Variants in CDC16 observed in about 807,000 individuals in gnomAD.
CDC16 encodes cell division cycle protein 16 homolog.
In CDC16, 34 loss-of-function variants were observed where a neutral mutation model predicts 87.0. The ratio of observed to expected loss-of-function variants is 0.39; its 90% confidence interval spans 0.30 to 0.52. The LOEUF is 0.52. Among genes scored for constraint, CDC16 ranks in the 20% least tolerant of loss-of-function variants. The pLI is 0.74. For synonymous variants in CDC16, 263 were observed against 260.6 expected (o/e 1.01, Z -0.09); for missense variants, 653 against 751.9 (o/e 0.87, Z 1.54).
chr13:114,248,339 T>C (rs545395179), intron 11 of CDC16, among the ~76,000 whole-genome samples: 1 of 152,356 alleles, frequency 6.6e-6, no homozygotes, highest in Admixed American at 6.5e-5. Flanking sequence ...ACTTACCAAC[T>C]GAAATTCCTT....
At position 114,235,062 on chromosome 13, in the gene CDC16, C is replaced by A. The variant is rs1425494039; in HGVS notation, c.-23C>A. The A allele has an allele frequency of 8.0e-7, 1 of 1,248,474 alleles. No individual in the cohort carries two copies. Among genetic ancestry groups the A allele is most frequent in the Non-Finnish European group, 1.0e-6 (1 of 997,252 alleles). 77.3% of individuals were successfully genotyped at this position (1,248,474 alleles called of 1,614,324 possible). A position where few individuals can be genotyped will look rare whatever the true frequency, so the allele number is the denominator to read the frequency against. On this transcript the variant is annotated 5_prime_UTR_variant, in exon 1 of 18. Coordinates refer to ENST00000356221, the MANE Select transcript of CDC16 (RefSeq NM_001078645.3). ...GCGCGCGCCTAGCGGCGGAGTGTGG[C>A]GTGAGGCCGGGCCCGCGCCGCCATG...
At chr13:114,246,816 TAGA>T (rs1298795098) in intron 10 of CDC16, 112 bp from the exon 11 acceptor site, 2 of 715,134 alleles carry the variant, frequency 2.8e-6, no homozygotes, top group Non-Finnish European at 5.1e-6. Context: ...CTAACTTAAC[TAGA>T]ATATGTGATA....
In CDC16 at chr13:114,272,364, C is replaced by G. The variant is rs928082424; in HGVS notation, c.1784C>G (p.Ser595Cys). The G allele has an allele frequency of 6.2e-7, 1 of 1,614,028 alleles. No homozygotes were observed. Among genetic ancestry groups the G allele is most frequent in the South Asian group, 1.1e-5 (1 of 91,082 alleles). The change falls in exon 18 of 18, where the codon TCC (serine) becomes TGC (cysteine). Residue 595 changes from serine (S) to cysteine (C), a missense_variant. Physicochemically the swap from Ser to Cys is moderately radical, Grantham distance 112. Coordinates refer to ENST00000356221, the MANE Select transcript of CDC16 (RefSeq NM_001078645.3). Reference sequence around the variant, plus strand: ...AGGAAAACTCCAGATTCCAGACCTTCCTTGGAAGAAACCTTTGAAATTGAA... The same window carrying G: ...AGGAAAACTCCAGATTCCAGACCTTGCTTGGAAGAAACCTTTGAAATTGAA... Reference protein sequence around the residue: ...TSRKTPDSRPSLEETFEIEMN... With the variant: ...TSRKTPDSRPCLEETFEIEMN...
At chr13:114,264,928 A>G in intron 16 of CDC16, 1 of 448,816 alleles carries the variant, frequency 2.2e-6, no homozygotes, top group Non-Finnish European at 4.1e-6. Flanking sequence ...TTTTTAAAAA[A>G]TCTTTTTTGG....
chr13:114,268,174 C>G (rs1191212109), intron 17 of CDC16, among the ~76,000 whole-genome samples: 1 of 152,084 alleles, frequency 6.6e-6, no homozygotes, highest in Non-Finnish European at 1.5e-5. Flanking sequence ...GGGATCCCCA[C>G]ATGGAGATAG....
At chr13:114,268,574 G>A (rs929775555) in intron 17 of CDC16, among the ~76,000 whole-genome samples, 1 of 152,188 alleles carries the variant, frequency 6.6e-6, no homozygotes, top group African/African-American at 2.4e-5. Context: ...AATGAAGACT[G>A]TGACCAATCA....
chr13:114,247,093 A>C, intron 11 of CDC16, 89 bp downstream of exon 11: 1 of 772,544 alleles, frequency 1.3e-6, no homozygotes, highest in South Asian at 1.5e-5. Context: ...GAGTACTTTA[A>C]AAGCAATGTG....
intron 16 of CDC16, chr13:114,264,188 G>A (rs1174018176): frequency 6.6e-6 from 1 of 152,192 alleles, no homozygotes; most frequent in African/African-American, 2.4e-5. Flanking sequence ...TTCTAGTCCT[G>A]TATGATCTTT....
chr13:114,237,955 A>C (rs1016637927), intron 3 of CDC16, among the ~76,000 whole-genome samples: 45 of 152,340 alleles, frequency 3.0e-4, no homozygotes, highest in African/African-American at 1.0e-3. Flanking sequence ...AGTCAGATGC[A>C]TCAGTAGGTC....
rs2081588833 is a variant in CDC16 at position 114,242,223 on chromosome 13, T to C, written c.484T>C (p.Tyr162His). 6.2e-7 allele frequency: 1 copy of C among 1,614,084 alleles called. No homozygotes were observed. Among genetic ancestry groups the C allele is most frequent in the Non-Finnish European group, 8.5e-7 (1 of 1,180,028 alleles). Residue 162 changes from tyrosine (Y) to histidine (H), a missense_variant, in exon 6 of 18, where the codon TAC becomes CAC. Coordinates refer to ENST00000356221, the MANE Select transcript of CDC16 (RefSeq NM_001078645.3). Reference protein sequence around the residue: ...SYKEALKLDVYCFEAFDLLTS... With the variant: ...SYKEALKLDVHCFEAFDLLTS... The stretch of plus-strand genomic sequence containing the variant: ...CAAAGAAGCTTTGAAGCTTGATGTC[T>C]ACTGTTTTGAAGCGTTCGATCTTTT...
chr13:114,238,855 C>T (rs2081393849), intron 3 of CDC16, 135 bp from the exon 4 acceptor site: 2 of 1,173,882 alleles, frequency 1.7e-6, no homozygotes, highest in South Asian at 1.7e-5. Context: ...TTTAACAGGA[C>T]TGGATTTTTT....
At chr13:114,269,256 C>T (rs1343793920) in intron 17 of CDC16, among the ~76,000 whole-genome samples, 1 of 152,126 alleles carries the variant, frequency 6.6e-6, no homozygotes, top group Admixed American at 6.5e-5. Flanking sequence ...ACGATGTTCC[C>T]AGGGTTCTAA....
intron 12 of CDC16, 112 bp from the exon 13 acceptor site, chr13:114,256,966 G>A: frequency 3.2e-6 from 2 of 618,796 alleles, no homozygotes; most frequent in South Asian, 2.6e-5. Flanking sequence ...AGTAAATGCT[G>A]TGTTTTGGCT....
At chr13:114,251,330 T>C (rs1486800191) in intron 12 of CDC16, among the ~76,000 whole-genome samples, 1 of 152,224 alleles carries the variant, frequency 6.6e-6, no homozygotes, top group Admixed American at 6.5e-5. Flanking sequence ...GCAAGTTTTT[T>C]AGCCTCCTGA....
At chr13:114,244,435 G>A (rs114476097) in intron 8 of CDC16, 447 of 159,262 alleles carry the variant, frequency 2.8e-3, no homozygotes, top group African/African-American at 9.8e-3. Flanking sequence ...ATCTTGGTTC[G>A]GTTTAAAATC....
At chr13:114,248,023 A>G (rs1319141415) in intron 11 of CDC16, among the ~76,000 whole-genome samples, 4 of 152,258 alleles carry the variant, frequency 2.6e-5, no homozygotes, top group African/African-American at 4.8e-5. Flanking sequence ...GTGAAATTAC[A>G]CAAAACTTTA....
At chr13:114,259,997 T>C (rs916846573) in intron 14 of CDC16, among the ~76,000 whole-genome samples, 1 of 152,252 alleles carries the variant, frequency 6.6e-6, no homozygotes, top group Non-Finnish European at 1.5e-5. Context: ...TACTTAAAAG[T>C]AGTAACAGTT....
Position 114,244,976 on chromosome 13 carries a change from CT to C in CDC16, c.847+15del, listed in dbSNP as rs745762677. ...GAGCTGAATAAAGCCAATGGTAAGACTTTTTTTTAAATTAAAGTAATTCTTA... is the reference window on the plus strand; with the variant it reads ...GAGCTGAATAAAGCCAATGGTAAGACTTTTTTTAAATTAAAGTAATTCTTA... On this transcript the variant is annotated splice_region_variant and intron_variant, in intron 9 of 17. Coordinates refer to ENST00000356221, the MANE Select transcript of CDC16 (RefSeq NM_001078645.3). 187 of 1,505,280 alleles carry C rather than the reference CT, an allele frequency of 1.2e-4. No homozygotes were observed. Among genetic ancestry groups the C allele is most frequent in the Admixed American group, 2.3e-4 (12 of 53,280 alleles). The allele number at this position is 1,505,280 out of a possible 1,614,324, so 93.2% of individuals were successfully genotyped here. A position where few individuals can be genotyped will look rare whatever the true frequency, so the allele number is the denominator to read the frequency against.
intron 16 of CDC16, chr13:114,264,748 G>T: frequency 5.8e-6 from 1 of 172,762 alleles, no homozygotes. Flanking sequence ...AGGATTACAG[G>T]CACCTGCTAC....
Sources: gnomAD v4.1 joint callset for allele counts (sites outside exome capture counted in the v4.1 genomes callset) on GRCh38, gnomAD v4.1.1 for gene constraint, MANE v1.5 for transcripts, NCBI Gene and HGNC (gene_info 2026-07-23, HGNC 2026-07-21) for gene names.